LHX4: variants seen among roughly 807,000 people sequenced by gnomAD.
LHX4 encodes the protein LIM homeobox 4, also known as LIM/homeobox protein Lhx4.
In LHX4, 16 loss-of-function variants were observed where a neutral mutation model predicts 39.2. The ratio of observed to expected loss-of-function variants is 0.41; its 90% confidence interval spans 0.28 to 0.62. The LOEUF is 0.62. Among genes scored for constraint, LHX4 ranks in the 20% least tolerant of loss-of-function variants. The probability of loss-of-function intolerance (pLI) is 0.33; values close to 1 mark genes in which losing one functional copy is unlikely to be tolerated. For synonymous variants in LHX4, 206 were observed against 198.1 expected (o/e 1.04, Z -0.33); for missense variants, 439 against 511.9 (o/e 0.86, Z 1.37).
At chr1:180,274,044 T>C (rs1253787955) in intron 5 of LHX4, 141 bp from the exon 6 acceptor site, 6 of 993,068 alleles carry the variant, frequency 6.0e-6, no homozygotes, top group Non-Finnish European at 7.8e-6. Flanking sequence ...GCCATATTGG[T>C]GTGTCTGACC....
In LHX4 at chr1:180,234,643, G is replaced by A. The variant is rs886923254; in HGVS notation, c.76+4038G>A. On this transcript the variant is annotated intron_variant, in intron 1 of 5. Transcript: ENST00000263726. The surrounding 1 kb of genome is among the most constrained non-coding windows in gnomAD (Gnocchi z 4.8). The stretch of plus-strand genomic sequence containing the variant: ...TCCGCATGCGGAATTAACTGTTAAA[G>A]CCGGACACGGAGCACGCAGGTGCAG... Among the ~76,000 whole-genome samples the A allele has an allele frequency of 1.3e-5, 2 of 152,270 alleles. No individual in the cohort carries two copies. Among genetic ancestry groups the A allele is most frequent in the African/African-American group, 2.4e-5 (1 of 41,480 alleles).
chr1:180,234,884 C>G lies in LHX4; in HGVS notation c.76+4279C>G, dbSNP rs1383267601. ...GCGACCCACATGACCTCGCTACGAC[C>G]GGGGCAGGGCTCCTCCGCCCCGCGG... On this transcript the variant is annotated intron_variant, in intron 1 of 5. Transcript: ENST00000263726. This position sits in a 1 kb window ranked among gnomAD's most constrained non-coding sequence, Gnocchi z 4.8. Among the ~76,000 whole-genome samples the G allele has an allele frequency of 6.6e-6, 1 of 152,228 alleles. No individual in the cohort carries two copies. The highest frequency in any genetic ancestry group is 2.4e-5 in the African/African-American group (1 of 41,462).
At chr1:180,259,980 A>AG (rs1648039463) in intron 2 of LHX4, among the ~76,000 whole-genome samples, 1 of 151,562 alleles carries the variant, frequency 6.6e-6, no homozygotes, top group Admixed American at 6.6e-5. Context: ...CACAGCCTTC[A>AG]GGAGGTCAAA....
chr1:180,267,217 A>T (rs1648354859), intron 3 of LHX4, among the ~76,000 whole-genome samples: 1 of 152,166 alleles, frequency 6.6e-6, no homozygotes, highest in Non-Finnish European at 1.5e-5. Context: ...TCAGCAATAT[A>T]GCTCCCTCCA....
upstream of LHX4, among the ~76,000 whole-genome samples, chr1:180,229,272 C>A (rs959263182): frequency 2.0e-5 from 3 of 152,158 alleles, no homozygotes; most frequent in African/African-American, 4.8e-5. Flanking sequence ...AGAGGCAGAG[C>A]GGGCTCTAGG....
At chr1:180,253,125 G>A (rs991326666) in intron 2 of LHX4, among the ~76,000 whole-genome samples, 15 of 152,190 alleles carry the variant, frequency 9.9e-5, no homozygotes, top group African/African-American at 3.4e-4. Flanking sequence ...TGCAGAGGGT[G>A]TCCCGAGCCC....
rs1225438730 is a variant in LHX4, at chr1:180,263,185, G to A, written c.249-3207G>A. 2.0e-5 allele frequency among the ~76,000 whole-genome samples: 3 copies of A among 152,156 alleles called. No individual in the cohort carries two copies. The South Asian group carries it at 6.2e-4, about 32-fold the overall frequency. On this transcript the variant is annotated intron_variant, in intron 2 of 5. Transcript: ENST00000263726. ...GCGTCCTTCATATTTGGTCCAGTTGGTTAGACTTCTGGTTCTCTGTGTAGC... is the reference window on the plus strand; with the variant it reads ...GCGTCCTTCATATTTGGTCCAGTTGATTAGACTTCTGGTTCTCTGTGTAGC...
At chr1:180,240,938 A>G (rs1445500331) in intron 1 of LHX4, among the ~76,000 whole-genome samples, 1 of 152,204 alleles carries the variant, frequency 6.6e-6, no homozygotes, top group African/African-American at 2.4e-5. Context: ...TCCTCGATGA[A>G]GAAGGAGATT....
At position 180,232,887 on chromosome 1, in the gene LHX4, C is replaced by T. The variant is rs191320174; in HGVS notation, c.76+2282C>T. 1.5e-3 allele frequency among the ~76,000 whole-genome samples: 229 copies of T among 152,294 alleles called. 2 individuals are homozygous for T. Among genetic ancestry groups the T allele is most frequent in the South Asian group, 5.6e-3 (27 of 4,824 alleles). On this transcript the variant is annotated intron_variant, in intron 1 of 5. Coordinates refer to ENST00000263726, the MANE Select transcript of LHX4 (RefSeq NM_033343.4). This position sits in a 1 kb window ranked among gnomAD's most constrained non-coding sequence, Gnocchi z 5.4. ...CTTGGGCCTTCCGGGACAGTAGGCTCTTAAACCCTAGAGGAGGGGAGACAA... is the reference window on the plus strand; with the variant it reads ...CTTGGGCCTTCCGGGACAGTAGGCTTTTAAACCCTAGAGGAGGGGAGACAA...
At chr1:180,258,676 C>A (rs1410338326) in intron 2 of LHX4, among the ~76,000 whole-genome samples, 1 of 152,124 alleles carries the variant, frequency 6.6e-6, no homozygotes, top group East Asian at 1.9e-4. Context: ...TGGTAGTTCA[C>A]TTCTATTGTC....
chr1:180,243,415 T>C (rs1368379165), intron 1 of LHX4, among the ~76,000 whole-genome samples: 1 of 152,174 alleles, frequency 6.6e-6, no homozygotes. Flanking sequence ...TTATTCCTGG[T>C]AGGAAACCTA....
Position 180,271,825 on chromosome 1 carries a change from T to G in LHX4, c.607-10T>G. On this transcript the variant is annotated splice_polypyrimidine_tract_variant and intron_variant, in intron 4 of 5. Coordinates refer to ENST00000263726, the MANE Select transcript of LHX4 (RefSeq NM_033343.4). Reference sequence around the variant, plus strand: ...GCCCCCTGAGTATGTCCCTTGTGCTTGTGTGGCAGGTTTGGTTTCAGAACA... The same window carrying G: ...GCCCCCTGAGTATGTCCCTTGTGCTGGTGTGGCAGGTTTGGTTTCAGAACA... 6.2e-7 allele frequency: 1 copy of G among 1,613,646 alleles called. No individual in the cohort carries two copies. Among genetic ancestry groups the G allele is most frequent in the Non-Finnish European group, 8.5e-7 (1 of 1,179,928 alleles).
upstream of LHX4, among the ~76,000 whole-genome samples, chr1:180,229,938 G>GGGCGGA (rs1206144112): frequency 0.085 from 8,471 of 99,908 alleles, 1,886 homozygotes; most frequent in African/African-American, 0.21. Context: ...CGCCACGGCT[G>GGGCGGA]GGCGGAGGCG....
chr1:180,259,306 C>A (rs777585576), intron 2 of LHX4, among the ~76,000 whole-genome samples: 2 of 152,068 alleles, frequency 1.3e-5, no homozygotes, highest in Non-Finnish European at 2.9e-5. Context: ...AGAAGGGAGG[C>A]AGGCAGGGAT....
Position 180,232,456 on chromosome 1 carries a change from A to G in LHX4, c.76+1851A>G, listed in dbSNP as rs1664204396. On this transcript the variant is annotated intron_variant, in intron 1 of 5. Coordinates refer to ENST00000263726, the MANE Select transcript of LHX4 (RefSeq NM_033343.4). This position sits in a 1 kb window ranked among gnomAD's most constrained non-coding sequence, Gnocchi z 5.4. Reference sequence around the variant, plus strand: ...ATGCCCAGAACTCACCTTCAGAGCTACAGTTTGCCAAGGCTGAGTCTAGGT... The same window carrying G: ...ATGCCCAGAACTCACCTTCAGAGCTGCAGTTTGCCAAGGCTGAGTCTAGGT... Among the ~76,000 whole-genome samples the G allele has an allele frequency of 6.6e-6, 1 of 152,236 alleles. No homozygotes were observed. Among genetic ancestry groups the G allele is most frequent in the Non-Finnish European group, 1.5e-5 (1 of 68,038 alleles).
chr1:180,244,219 T>G (rs980756914), intron 1 of LHX4, among the ~76,000 whole-genome samples: 3 of 152,228 alleles, frequency 2.0e-5, no homozygotes, highest in Non-Finnish European at 4.4e-5. Flanking sequence ...CAAATTATCT[T>G]TGTTTAATCC....
At chr1:180,269,997 T>TC (rs1264092155) in intron 3 of LHX4, 1 of 152,136 alleles carries the variant, frequency 6.6e-6, no homozygotes. Flanking sequence ...CACGGGTGTG[T>TC]CCCCCCTCAC....
At chr1:180,231,673 C>T (rs983191919) in intron 1 of LHX4, among the ~76,000 whole-genome samples, 2 of 151,722 alleles carry the variant, frequency 1.3e-5, no homozygotes, top group Non-Finnish European at 2.9e-5. Flanking sequence ...GCTCCGCTTG[C>T]CAAGGGGTTG....
At chr1:180,242,695 C>G (rs914219653) in intron 1 of LHX4, among the ~76,000 whole-genome samples, 5 of 152,122 alleles carry the variant, frequency 3.3e-5, no homozygotes, top group Admixed American at 2.0e-4. Flanking sequence ...TCCAAAGATT[C>G]TTTGGCTGTT....
Sources: allele counts gnomAD v4.1 joint callset (sites outside exome capture counted in the v4.1 genomes callset), GRCh38; gene constraint gnomAD v4.1.1; non-coding constraint Gnocchi (gnomAD v3.1); transcripts MANE v1.5; gene names NCBI Gene and HGNC (gene_info 2026-07-23, HGNC 2026-07-21).